Variants in CES5A observed in about 807,000 individuals in gnomAD.
The protein encoded by CES5A is carboxylesterase 5.
CES5A carries 67 observed loss-of-function variants against 62.9 expected under a neutral mutation model. The observed-to-expected ratio is 1.07, with a 90% CI of 0.88 to 1.31. The LOEUF is 1.31. Among genes scored for constraint, CES5A ranks in the 50% most tolerant of loss-of-function variants. The probability of loss-of-function intolerance (pLI) is 0.00; values close to 1 mark genes in which losing one functional copy is unlikely to be tolerated. For missense variants in CES5A, 748 were observed against 708.5 expected, an observed-to-expected ratio of 1.06 and a Z score of -0.63; for synonymous variants, 296 against 280.8, an observed-to-expected ratio of 1.05 and a Z score of -0.54.
chr16:55,869,926 G>A (rs1190232105), intron 3 of CES5A, among the ~76,000 whole-genome samples, 182 bp from the exon 4 acceptor site: 1 of 152,346 alleles, frequency 6.6e-6, no homozygotes, highest in South Asian at 2.1e-4. Flanking sequence ...TGAGTGCCTC[G>A]ATTTGACTCC....
chr16:55,923,806 G>T (rs1393446699), intron 1 of CES5A, among the ~76,000 whole-genome samples: 1 of 151,412 alleles, frequency 6.6e-6, no homozygotes, highest in Non-Finnish European at 1.5e-5. Flanking sequence ...ACAGAAACAA[G>T]AACTAAAACC....
intron 5 of CES5A, among the ~76,000 whole-genome samples, chr16:55,863,725 A>C (rs1245931324): frequency 1.3e-5 from 2 of 151,558 alleles, no homozygotes; most frequent in Non-Finnish European, 2.9e-5. Flanking sequence ...GTAACCTCGG[A>C]CAAGTTGCTT....
At chr16:55,928,644 C>T (rs536025527), upstream of CES5A, among the ~76,000 whole-genome samples, 1 of 152,306 alleles carries the variant, frequency 6.6e-6, no homozygotes, top group East Asian at 1.9e-4. Flanking sequence ...AATAAAATTT[C>T]CACTGAGACT....
intron 1 of CES5A, among the ~76,000 whole-genome samples, chr16:55,906,014 G>A (rs919821395): frequency 6.6e-6 from 1 of 152,130 alleles, no homozygotes; most frequent in African/African-American, 2.4e-5. Flanking sequence ...ACTCAGAGAA[G>A]TTAAGCTCCT....
intron 6 of CES5A, among the ~76,000 whole-genome samples, chr16:55,861,996 C>T (rs1213707876): frequency 6.6e-6 from 1 of 152,172 alleles, no homozygotes; most frequent in African/African-American, 2.4e-5. Context: ...GCCCAAGCCC[C>T]AGGCCCACTC....
chr16:55,910,052 C>T (rs1215760577), intron 1 of CES5A, among the ~76,000 whole-genome samples: 3 of 152,088 alleles, frequency 2.0e-5, no homozygotes, highest in South Asian at 2.1e-4. Context: ...TCAGTGAGCC[C>T]GACATGCCAT....
At chr16:55,861,609 G>GATTGGA in intron 6 of CES5A, 93 bp from the exon 7 acceptor site, 3 of 859,856 alleles carry the variant, frequency 3.5e-6, no homozygotes, top group African/African-American at 1.7e-5. Flanking sequence ...GCCACAGGCT[G>GATTGGA]GCCCTCCATA....
At chr16:55,851,166 G>T (rs1471213020) in intron 10 of CES5A, among the ~76,000 whole-genome samples, 1 of 152,052 alleles carries the variant, frequency 6.6e-6, no homozygotes, top group African/African-American at 2.4e-5. Context: ...AAACTACTGT[G>T]CAACTTTTGT....
chr16:55,853,076 C>G, intron 9 of CES5A, 48 bp from the exon 10 acceptor site: 1 of 1,595,396 alleles, frequency 6.3e-7, no homozygotes, highest in Non-Finnish European at 8.6e-7. Flanking sequence ...CCACAATGGC[C>G]AACACGTTAA....
Position 55,863,379 on chromosome 16 carries a change from A to C in CES5A, c.779T>G (p.Leu260Arg), listed in dbSNP as rs757307083. 24 of 1,603,260 alleles carry C rather than the reference A, an allele frequency of 1.5e-5. No homozygotes were observed. The highest frequency in any genetic ancestry group is 2.0e-5 in the Non-Finnish European group (23 of 1,170,552). The change falls in exon 6 of 13, where the codon CTG becomes CGG. Residue 260 changes from leucine to arginine, a missense_variant. Coordinates refer to ENST00000290567, the MANE Select transcript of CES5A (RefSeq NM_001143685.2). ...MESGVAIIPY[L>R]EAHDYEKSED... Reference sequence around the variant, plus strand: ...ACTCTTCTCATAATCATGGGCCTCCAGGTAAGGGATGATGGCCACCCCACT... The same window carrying C: ...ACTCTTCTCATAATCATGGGCCTCCCGGTAAGGGATGATGGCCACCCCACT...
At chr16:55,857,069 T>A (rs2142391587) in intron 8 of CES5A, among the ~76,000 whole-genome samples, 1 of 152,302 alleles carries the variant, frequency 6.6e-6, no homozygotes, top group South Asian at 2.1e-4. Flanking sequence ...CAAACTGGTG[T>A]TTGTTGTTCT....
chr16:55,903,829 G>C lies in CES5A; in HGVS notation c.-256+21494C>G, dbSNP rs1171915931. 3.9e-5 allele frequency among the ~76,000 whole-genome samples: 6 copies of C among 152,300 alleles called. No homozygotes were observed. The East Asian group carries it at 7.7e-4, about 20-fold the overall frequency. On this transcript the variant is annotated intron_variant, in intron 1 of 12. Coordinates refer to the CES5A transcript ENST00000518005. ...CTGGCTTAAAGCCATCAAAGAAATT[G>C]TCTAGTTGAGAGGGATTTAGATTGC... is the stretch of plus-strand genomic sequence containing the variant.
intron 11 of CES5A, among the ~76,000 whole-genome samples, chr16:55,848,111 A>G (rs538993125): frequency 3.9e-5 from 6 of 151,956 alleles, no homozygotes; most frequent in Admixed American, 2.0e-4. Context: ...TTGTAAAAAT[A>G]AAAACAATTT....
At chr16:55,915,351 T>C (rs1378369430) in intron 1 of CES5A, among the ~76,000 whole-genome samples, 1 of 151,616 alleles carries the variant, frequency 6.6e-6, no homozygotes, top group Non-Finnish European at 1.5e-5. Flanking sequence ...GCTTTCATCC[T>C]GGGCCAGGGA....
At chr16:55,955,571 C>A (rs535354408) in intron 1 of CES5A, among the ~76,000 whole-genome samples, 3 of 152,326 alleles carry the variant, frequency 2.0e-5, no homozygotes, top group Non-Finnish European at 4.4e-5. Context: ...TCGCCACATG[C>A]CGCATGGAGG....
At chr16:55,852,837 C>A (rs1280172200) in intron 10 of CES5A, 44 bp downstream of exon 10, 5 of 1,582,140 alleles carry the variant, frequency 3.2e-6, no homozygotes, top group Non-Finnish European at 4.3e-6. Flanking sequence ...TGGCCACCAG[C>A]CTCACTGGGC....
chr16:55,884,699 C>T (rs574976404), intron 1 of CES5A, among the ~76,000 whole-genome samples: 1 of 152,186 alleles, frequency 6.6e-6, no homozygotes, highest in Admixed American at 6.5e-5. Context: ...TCAAGTGATT[C>T]TCCTTCCTCA....
At position 55,921,929 on chromosome 16, in the gene CES5A, T is replaced by C. The variant is rs77251130; in HGVS notation, c.-256+3394A>G. ...GTTTTTAAAATTATTTTTGTTTCTA[T>C]TCTTTTCTTGGTGATCTAAGATAAG... On this transcript the variant is annotated intron_variant, in intron 1 of 12. Transcript: ENST00000518005. Among the ~76,000 whole-genome samples, 1,014 of 152,134 alleles carry C rather than the reference T, an allele frequency of 6.7e-3. 15 individuals are homozygous for C. The highest frequency in any genetic ancestry group is 0.024 in the African/African-American group (980 of 41,556).
In CES5A at chr16:55,873,837, T is replaced by TA; in HGVS notation, c.273dup (p.Asn92Ter). 2 of 1,611,410 alleles carry TA rather than the reference T, an allele frequency of 1.2e-6. No homozygotes were observed. Among genetic ancestry groups the TA allele is most frequent in the Non-Finnish European group, 1.7e-6 (2 of 1,178,594 alleles). On this transcript the variant is annotated frameshift_variant, in exon 2 of 13. Transcript: ENST00000290567. LOFTEE classifies it high-confidence loss of function. ...TGGGCCCGAACCTGGTCTTACAAAT[T>TA]AGGGTAGGAGGTGGCTTCTCGCAAG...
Sources: allele counts gnomAD v4.1 joint callset (sites outside exome capture counted in the v4.1 genomes callset), GRCh38; gene constraint gnomAD v4.1.1; transcripts MANE v1.5; gene names NCBI Gene and HGNC (gene_info 2026-07-23, HGNC 2026-07-21).